NKAIN3: variants seen among roughly 807,000 people sequenced by gnomAD.
NKAIN3 encodes sodium/potassium-transporting ATPase subunit beta-1-interacting protein 3.
In NKAIN3, 25 loss-of-function variants were observed where a neutral mutation model predicts 30.2. The ratio of observed to expected loss-of-function variants is 0.83; its 90% confidence interval spans 0.60 to 1.16. NKAIN3 has a LOEUF of 1.16. NKAIN3 is among the 50% of genes most tolerant of loss of function. The probability of loss-of-function intolerance (pLI) is 0.00; values close to 1 mark genes in which losing one functional copy is unlikely to be tolerated. For missense variants in NKAIN3, 225 were observed against 254.1 expected (o/e 0.89, Z 0.78); for synonymous variants, 91 against 89.6 (o/e 1.02, Z -0.09).
At chr8:62,313,752 CA>C (rs1170500488) in intron 1 of NKAIN3, among the ~76,000 whole-genome samples, 1 of 152,022 alleles carries the variant, frequency 6.6e-6, no homozygotes. Context: ...ATTTCAGCAC[CA>C]TTTTTCAAAG....
intron 4 of NKAIN3, among the ~76,000 whole-genome samples, chr8:62,816,246 C>T (rs1818675650): frequency 6.6e-6 from 1 of 152,072 alleles, no homozygotes; most frequent in Admixed American, 6.6e-5. Context: ...GGCATTGGTT[C>T]TGGGTAGGTG....
intron 1 of NKAIN3, among the ~76,000 whole-genome samples, chr8:62,443,305 C>T (rs1470118885): frequency 3.9e-5 from 6 of 152,042 alleles, no homozygotes; most frequent in African/African-American, 7.2e-5. Context: ...TATTATCTTT[C>T]GTAGTATTAT....
intron 4 of NKAIN3, among the ~76,000 whole-genome samples, chr8:62,873,623 A>G (rs1169208560): frequency 6.6e-6 from 1 of 151,400 alleles, no homozygotes; most frequent in African/African-American, 2.4e-5. Context: ...AGAAACTGAA[A>G]TCATAACAGT....
In NKAIN3 at chr8:62,331,696, A is replaced by G. The variant is rs61430091; in HGVS notation, c.54+82569A>G. Among the ~76,000 whole-genome samples the G allele has an allele frequency of 4.6e-5, 7 of 152,288 alleles. No individual in the cohort carries two copies. The East Asian group carries it at 1.4e-3, about 29-fold the overall frequency. ...ATTTTTTATATTAGATACACTGGAA[A>G]GTGAACTATCAAGCATGAAGAGACA... is the stretch of plus-strand genomic sequence containing the variant. On this transcript the variant is annotated intron_variant, in intron 1 of 6. Coordinates refer to ENST00000623646, the MANE Select transcript of NKAIN3 (RefSeq NM_001304533.3).
intron 4 of NKAIN3, among the ~76,000 whole-genome samples, chr8:62,793,898 G>T (rs536176718): frequency 6.6e-6 from 1 of 152,260 alleles, no homozygotes; most frequent in Admixed American, 6.5e-5. Context: ...TTGAGCCCAA[G>T]GTTGGGGGGA....
intron 1 of NKAIN3, among the ~76,000 whole-genome samples, chr8:62,456,468 G>A (rs892575464): frequency 2.0e-5 from 3 of 151,728 alleles, no homozygotes; most frequent in South Asian, 2.1e-4. Context: ...GTAGTGAGCC[G>A]AGATGGCGCC....
chr8:62,771,186 G>A (rs1816995433), intron 4 of NKAIN3, among the ~76,000 whole-genome samples: 1 of 152,124 alleles, frequency 6.6e-6, no homozygotes, highest in South Asian at 2.1e-4. Flanking sequence ...CCAGCACTTT[G>A]GGAGGCCAAG....
chr8:62,754,897 A>G (rs1816400759), intron 4 of NKAIN3, among the ~76,000 whole-genome samples: 1 of 152,216 alleles, frequency 6.6e-6, no homozygotes. Context: ...ATGCTCACAG[A>G]GTGCAAGAAT....
chr8:62,473,001 A>G (rs2123036), intron 1 of NKAIN3, among the ~76,000 whole-genome samples: 1 of 152,184 alleles, frequency 6.6e-6, no homozygotes, highest in East Asian at 1.9e-4. Context: ...ATTCACTGCA[A>G]TATACATTTC....
intron 4 of NKAIN3, among the ~76,000 whole-genome samples, chr8:62,871,681 G>A (rs150668064): frequency 1.1e-3 from 170 of 152,310 alleles, no homozygotes; most frequent in Middle Eastern, 6.8e-3. Context: ...AGAGGAATTC[G>A]GGCTTTGGGA....
chr8:62,896,834 G>A (rs965354129), intron 4 of NKAIN3, among the ~76,000 whole-genome samples: 2 of 152,164 alleles, frequency 1.3e-5, no homozygotes, highest in Non-Finnish European at 2.9e-5. Flanking sequence ...TTGACAAAAT[G>A]TAGGCTATTT....
chr8:62,940,324 C>G (rs368056328), intron 5 of NKAIN3, among the ~76,000 whole-genome samples: 7 of 152,046 alleles, frequency 4.6e-5, no homozygotes, highest in African/African-American at 1.7e-4. Context: ...TGGCAGGGGA[C>G]TTCAATACTC....
intron 1 of NKAIN3, among the ~76,000 whole-genome samples, chr8:62,481,131 C>G (rs192496540): frequency 6.6e-6 from 1 of 152,108 alleles, no homozygotes; most frequent in Non-Finnish European, 1.5e-5. Flanking sequence ...AAATCCTCCC[C>G]GATCTAGATA....
intron 1 of NKAIN3, among the ~76,000 whole-genome samples, chr8:62,294,939 A>G (rs1813779529): frequency 6.6e-6 from 1 of 152,002 alleles, no homozygotes; most frequent in Non-Finnish European, 1.5e-5. Flanking sequence ...ACAAACACAC[A>G]TCTCTCAGGT....
intron 4 of NKAIN3, among the ~76,000 whole-genome samples, chr8:62,747,451 G>T (rs1452976209): frequency 3.3e-5 from 5 of 152,266 alleles, no homozygotes; most frequent in Admixed American, 6.5e-5. Context: ...TTCTACTAAT[G>T]CATTCTTCGA....
intron 4 of NKAIN3, among the ~76,000 whole-genome samples, chr8:62,761,977 T>G (rs951437140): frequency 2.0e-5 from 3 of 152,164 alleles, no homozygotes; most frequent in Non-Finnish European, 2.9e-5. Flanking sequence ...ATAATCAAAT[T>G]AGTTTAGTTA....
intron 1 of NKAIN3, among the ~76,000 whole-genome samples, chr8:62,559,343 A>G (rs968824383): frequency 6.6e-6 from 1 of 152,060 alleles, no homozygotes; most frequent in African/African-American, 2.4e-5. Flanking sequence ...TGTAGATAAC[A>G]TACAGATGTG....
At chr8:62,656,967 A>T (rs1812780854) in intron 3 of NKAIN3, among the ~76,000 whole-genome samples, 1 of 152,188 alleles carries the variant, frequency 6.6e-6, no homozygotes, top group Admixed American at 6.6e-5. Flanking sequence ...TTTTCAACAA[A>T]AGGGTATTCT....
intron 1 of NKAIN3, among the ~76,000 whole-genome samples, chr8:62,281,803 G>A (rs564990592): frequency 6.6e-6 from 1 of 152,192 alleles, no homozygotes; most frequent in African/African-American, 2.4e-5. Context: ...ATATTATAGT[G>A]TGAGTTCACA....
Sources: gnomAD v4.1 joint callset for allele counts (sites outside exome capture counted in the v4.1 genomes callset) on GRCh38, gnomAD v4.1.1 for gene constraint, MANE v1.5 for transcripts, NCBI Gene and HGNC (gene_info 2026-07-23, HGNC 2026-07-21) for gene names.